The following NUP93 variants were observed in gnomAD, a reference collection of about 807,000 sequenced individuals.
The protein encoded by NUP93 is nuclear pore complex protein Nup93.
Under a neutral mutation model 107.8 loss-of-function variants are expected in NUP93, and 55 were observed. The observed-to-expected ratio is 0.51, with a 90% CI of 0.41 to 0.64. The LOEUF (loss-of-function observed/expected upper bound fraction) is 0.64. Among genes scored for constraint, NUP93 ranks in the 30% least tolerant of loss-of-function variants. The pLI, the probability that NUP93 is intolerant of heterozygous loss-of-function variation, is 0.00. For synonymous variants in NUP93, 390 were observed against 397.5 expected (o/e 0.98, Z 0.22); for missense variants, 937 against 1,044.7 (o/e 0.90, Z 1.42).
At chr16:56,799,323 G>A (rs1449564594) in intron 4 of NUP93, among the ~76,000 whole-genome samples, 3 of 152,140 alleles carry the variant, frequency 2.0e-5, no homozygotes, top group African/African-American at 7.2e-5. Context: ...TGGTAAATAA[G>A]TCCGCCAAAG....
At chr16:56,775,559 G>GTC (rs2144510536) in intron 3 of NUP93, among the ~76,000 whole-genome samples, 1 of 152,232 alleles carries the variant, frequency 6.6e-6, no homozygotes, top group African/African-American at 2.4e-5. Context: ...AAACGTTTTG[G>GTC]TCTCCTCAGT....
At chr16:56,781,720 G>GA (rs1313221667) in intron 3 of NUP93, 4 of 578,414 alleles carry the variant, frequency 6.9e-6, no homozygotes, top group Non-Finnish European at 8.7e-6. Flanking sequence ...TTGGGTTGGG[G>GA]AAAAAAAGTA....
At chr16:56,842,508 AT>A in intron 21 of NUP93, 1 of 420,338 alleles carries the variant, frequency 2.4e-6, no homozygotes, top group Non-Finnish European at 4.6e-6. Context: ...GAGCAAAGGT[AT>A]TTTTTGACCC....
At chr16:56,806,512 A>C (rs1388022633) in intron 5 of NUP93, among the ~76,000 whole-genome samples, 5 of 152,174 alleles carry the variant, frequency 3.3e-5, no homozygotes, top group Non-Finnish European at 2.9e-5. Flanking sequence ...TCTAAGCACA[A>C]TCAGGGTATT....
chr16:56,837,582 T>C (rs1375586435), intron 17 of NUP93, 26 bp from the exon 18 acceptor site: 2 of 1,544,604 alleles, frequency 1.3e-6, no homozygotes, highest in Non-Finnish European at 1.8e-6. Flanking sequence ...TATTGATTGC[T>C]TCCTTAATTT....
chr16:56,799,809 A>G (rs1305545867), intron 4 of NUP93, among the ~76,000 whole-genome samples: 4 of 152,262 alleles, frequency 2.6e-5, no homozygotes, highest in African/African-American at 9.6e-5. Context: ...GAAATAGGGC[A>G]GCAGGGAGAC....
chr16:56,800,672 T>G lies in NUP93; in HGVS notation c.360+2134T>G, dbSNP rs539155154. On this transcript the variant is annotated intron_variant, in intron 4 of 21. Transcript: ENST00000308159. ...ACTTTCTGGTATTTTTGTGACTATT[T>G]CATGTTTGAATAACTTGCCAGTGTC... 2.6e-5 allele frequency among the ~76,000 whole-genome samples: 4 copies of G among 152,318 alleles called. No homozygotes were observed. In the South Asian group the frequency reaches 8.3e-4, roughly 32 times the overall value.
chr16:56,825,776 G>T (rs1442444337), intron 8 of NUP93, among the ~76,000 whole-genome samples: 2 of 152,088 alleles, frequency 1.3e-5, no homozygotes, highest in African/African-American at 4.8e-5. Context: ...GTAATCTTAA[G>T]TTTATTTTTC....
intron 1 of NUP93, among the ~76,000 whole-genome samples, chr16:56,731,297 A>G (rs1049176075): frequency 3.9e-5 from 6 of 152,128 alleles, no homozygotes; most frequent in African/African-American, 7.2e-5. Flanking sequence ...ACTCTCCCCA[A>G]ACTGCTCCTG....
At chr16:56,765,627 C>T (rs900013390) in intron 3 of NUP93, among the ~76,000 whole-genome samples, 4 of 152,162 alleles carry the variant, frequency 2.6e-5, no homozygotes, top group Admixed American at 1.3e-4. Flanking sequence ...GGTTGAGGGA[C>T]AATAAGTGGT....
intron 21 of NUP93, 112 bp downstream of exon 21, chr16:56,841,945 C>A: frequency 1.6e-6 from 2 of 1,286,758 alleles, no homozygotes; most frequent in Non-Finnish European, 2.1e-6. Flanking sequence ...TCCTCAGTAC[C>A]TGGCAGCTGG....
rs187600170 is a variant in NUP93, at chr16:56,801,114, A to G, written c.360+2576A>G. Among the ~76,000 whole-genome samples, 15 of 151,902 alleles carry G rather than the reference A, an allele frequency of 9.9e-5. No individual in the cohort carries two copies. In the South Asian group the frequency reaches 1.2e-3, roughly 13 times the overall value. ...TTCCAGTTTATCCTTTTTCTTGTCTATTGAGTTTCTTCTTATCACTGCTTC... is the reference window on the plus strand; with the variant it reads ...TTCCAGTTTATCCTTTTTCTTGTCTGTTGAGTTTCTTCTTATCACTGCTTC... On this transcript the variant is annotated intron_variant, in intron 4 of 21. Transcript: ENST00000308159.
At chr16:56,810,160 A>G (rs1421978888) in intron 5 of NUP93, among the ~76,000 whole-genome samples, 1 of 152,182 alleles carries the variant, frequency 6.6e-6, no homozygotes, top group Non-Finnish European at 1.5e-5. Flanking sequence ...TGCTTTTCCT[A>G]TCTGTTGTGA....
intron 6 of NUP93, 99 bp from the exon 7 acceptor site, chr16:56,821,405 G>A (rs746982805): frequency 2.1e-4 from 159 of 772,484 alleles, no homozygotes; most frequent in Non-Finnish European, 3.2e-4. Context: ...AGGAAGGAAA[G>A]GTTGGCCGAA....
intron 1 of NUP93, among the ~76,000 whole-genome samples, chr16:56,730,416 G>C (rs1471424516): frequency 1.3e-5 from 2 of 152,138 alleles, no homozygotes; most frequent in Non-Finnish European, 2.9e-5. Context: ...CTGCATCCCT[G>C]GGGGTGCCTT....
In NUP93 at chr16:56,834,444, T is replaced by A. The variant is rs1396280808; in HGVS notation, c.1737+2T>A. On this transcript the variant is annotated splice_donor_variant, in intron 15 of 21. Transcript: ENST00000308159. LOFTEE classifies it high-confidence loss of function. Reference sequence around the variant, plus strand: ...GAGCTTGTGATTGAAAGCCGAGAGGTGAGTGGGTTTCCTTTTCTCTCCTCC... The same window carrying A: ...GAGCTTGTGATTGAAAGCCGAGAGGAGAGTGGGTTTCCTTTTCTCTCCTCC... 1 of 1,613,860 alleles carries A rather than the reference T, an allele frequency of 6.2e-7. No homozygotes were observed. The highest frequency in any genetic ancestry group is 1.3e-5 in the African/African-American group (1 of 74,910).
chr16:56,789,579 T>C (rs1291640997), intron 3 of NUP93, among the ~76,000 whole-genome samples: 2 of 152,242 alleles, frequency 1.3e-5, no homozygotes, highest in Non-Finnish European at 2.9e-5. Context: ...TGGCAAATGG[T>C]GGAACTCCAC....
intron 3 of NUP93, chr16:56,781,974 T>G: frequency 1.0e-6 from 1 of 985,410 alleles, no homozygotes. Flanking sequence ...AATTTGACTC[T>G]TTAGTGCTTC....
intron 3 of NUP93, among the ~76,000 whole-genome samples, chr16:56,779,552 A>G (rs1962474762): frequency 6.6e-6 from 1 of 152,120 alleles, no homozygotes; most frequent in Non-Finnish European, 1.5e-5. Flanking sequence ...TCTTTGTAGC[A>G]TTTTTGTTGT....
Sources: gnomAD v4.1 joint callset for allele counts (sites outside exome capture counted in the v4.1 genomes callset) on GRCh38, gnomAD v4.1.1 for gene constraint, MANE v1.5 for transcripts, NCBI Gene and HGNC (gene_info 2026-07-23, HGNC 2026-07-21) for gene names.